The following PPP6C variants were observed in gnomAD, a reference collection of about 807,000 sequenced individuals.
PPP6C encodes the protein serine/threonine-protein phosphatase 6 catalytic subunit.
In PPP6C, 11 loss-of-function variants were observed where a neutral mutation model predicts 39.8. The ratio of observed to expected loss-of-function variants is 0.28; its 90% CI spans 0.17 to 0.46. PPP6C has a LOEUF of 0.46. Among genes scored for constraint, PPP6C ranks in the 20% least tolerant of loss-of-function variants. PPP6C has a pLI of 1.00. For missense variants in PPP6C, 211 were observed against 373.9 expected (o/e 0.56, Z 3.59); for synonymous variants, 129 against 130.3 (o/e 0.99, Z 0.07).
chr9:125,153,612 G>C lies in PPP6C; in HGVS notation c.590C>G (p.Ser197Ter). The stretch of plus-strand genomic sequence containing the variant: ...CCAGGTATCCACATCTTCAGGATCT[G>C]ACCAAACCAGATCACAAAATGCTCC... The part of the protein sequence containing the change: ...HKGAFCDLVW[S>*]DPEDVDTWAI... Residue 197 changes from serine to a stop codon, truncating the protein, a stop_gained, in exon 6 of 7, where the codon TCA (serine) becomes TGA (stop). Transcript: ENST00000373547. LOFTEE classifies it high-confidence loss of function. 1 of 1,614,094 alleles carries C rather than the reference G, an allele frequency of 6.2e-7. No individual in the cohort carries two copies. The highest frequency in any genetic ancestry group is 8.5e-7 in the Non-Finnish European group (1 of 1,180,022).
At chr9:125,171,903 A>G (rs1247105334) in intron 1 of PPP6C, 4 of 464,430 alleles carry the variant, frequency 8.6e-6, no homozygotes, top group Non-Finnish European at 1.8e-5. Flanking sequence ...CAAACCACAC[A>G]CTTACCATTT....
chr9:125,173,855 A>G (rs1829235626), intron 1 of PPP6C, among the ~76,000 whole-genome samples: 1 of 152,092 alleles, frequency 6.6e-6, no homozygotes, highest in South Asian at 2.1e-4. Context: ...TGACCTCATG[A>G]TCCACCCGCC....
rs775731533 is a variant in PPP6C, at chr9:125,189,769, G to C, written c.-51C>G. The C allele has an allele frequency of 6.5e-7, 1 of 1,536,134 alleles. No homozygotes were observed. On this transcript the variant is annotated 5_prime_UTR_variant, in exon 1 of 7. Coordinates refer to ENST00000373547, the MANE Select transcript of PPP6C (RefSeq NM_002721.5). Reference sequence around the variant, plus strand: ...AGCGGCGGCGGCGGCTGTAGCAGCGGCGGCGGCAGCGGCGGAGGCCGAAGC... The same window carrying C: ...AGCGGCGGCGGCGGCTGTAGCAGCGCCGGCGGCAGCGGCGGAGGCCGAAGC...
chr9:125,171,547 T>C (rs1345196563), intron 1 of PPP6C, among the ~76,000 whole-genome samples: 3 of 145,046 alleles, frequency 2.1e-5, no homozygotes, highest in African/African-American at 7.5e-5. Context: ...AAAAGGTTTT[T>C]GGGTTTTTTT....
rs28421490 is a variant in PPP6C at position 125,177,435 on chromosome 9, G to A, written c.76-6255C>T. Reference sequence around the variant, plus strand: ...TCCCCTGCTGGGCACAGTGGCTCGCGCCTGTAATCCCACCACTTAGGGAGG... The same window carrying A: ...TCCCCTGCTGGGCACAGTGGCTCGCACCTGTAATCCCACCACTTAGGGAGG... On this transcript the variant is annotated intron_variant, in intron 1 of 6. Transcript: ENST00000373547. 8.8e-3 allele frequency among the ~76,000 whole-genome samples: 1,334 copies of A among 152,094 alleles called. 20 individuals are homozygous for A. Among genetic ancestry groups the A allele is most frequent in the African/African-American group, 0.031 (1,283 of 41,484 alleles).
At chr9:125,186,903 T>G (rs1401118931) in intron 1 of PPP6C, among the ~76,000 whole-genome samples, 1 of 148,818 alleles carries the variant, frequency 6.7e-6, no homozygotes, top group Non-Finnish European at 1.5e-5. Context: ...TTTATCAAAC[T>G]AAGAGGTACA....
chr9:125,189,116 C>CCTGA (rs1433096793), intron 1 of PPP6C, among the ~76,000 whole-genome samples: 2 of 152,080 alleles, frequency 1.3e-5, no homozygotes, highest in Admixed American at 1.3e-4. Context: ...AGAGGGACGA[C>CCTGA]CTGACGTTCG....
intron 1 of PPP6C, chr9:125,171,948 G>A: frequency 2.1e-6 from 1 of 467,462 alleles, no homozygotes; most frequent in Non-Finnish European, 4.4e-6. Context: ...ATAAAAACAT[G>A]TTCAAAATCT....
chr9:125,167,841 G>T lies in PPP6C; in HGVS notation c.171+3244C>A, dbSNP rs932742677. 1.9e-4 allele frequency among the ~76,000 whole-genome samples: 26 copies of T among 135,194 alleles called. 1 individual carries two copies. In the South Asian group the frequency reaches 6.5e-3, roughly 34 times the overall value. 88.7% of individuals were successfully genotyped at this position (135,194 alleles called of 152,430 possible). A position where few individuals can be genotyped will look rare whatever the true frequency, so the allele number is the denominator to read the frequency against. On this transcript the variant is annotated intron_variant, in intron 2 of 6. Transcript: ENST00000373547. ...CAGGAGTTTGAGATGGGGGGGGGGG[G>T]GGGGGGTATCATTTGGTTGCCCAGG...
chr9:125,164,244 T>TTTTAAG, intron 2 of PPP6C, among the ~76,000 whole-genome samples: 1 of 140,628 alleles, frequency 7.1e-6, no homozygotes, highest in South Asian at 2.3e-4. Flanking sequence ...TTTTTTTTTT[T>TTTTAAG]GAGACGGAGT....
chr9:125,156,366 C>T (rs940345682), intron 4 of PPP6C, among the ~76,000 whole-genome samples: 3 of 151,706 alleles, frequency 2.0e-5, no homozygotes, highest in Admixed American at 1.3e-4. Flanking sequence ...CTCCACCTCC[C>T]GGGTTCAAGG....
intron 2 of PPP6C, among the ~76,000 whole-genome samples, chr9:125,162,157 G>C (rs1044413747): frequency 6.6e-6 from 1 of 151,614 alleles, no homozygotes; most frequent in Non-Finnish European, 1.5e-5. Flanking sequence ...AACAGGCCAA[G>C]CTGCTCACAC....
intron 4 of PPP6C, 53 bp from the exon 5 acceptor site, chr9:125,154,038 C>A: frequency 7.7e-7 from 1 of 1,293,204 alleles, no homozygotes; most frequent in Admixed American, 1.8e-5. Flanking sequence ...TAAAAATAAA[C>A]AATATATCCA....
chr9:125,173,629 A>AT (rs944185726), intron 1 of PPP6C, among the ~76,000 whole-genome samples: 9 of 151,456 alleles, frequency 5.9e-5, no homozygotes, highest in African/African-American at 1.9e-4. Flanking sequence ...TTTTAATTTT[A>AT]TTTTTTTGAG....
rs191551822 is a variant in PPP6C at position 125,147,178 on chromosome 9, A to G, written c.*2495T>C. 3.3e-5 allele frequency: 5 copies of G among 152,366 alleles called. No homozygotes were observed. In the South Asian group the frequency reaches 6.2e-4, roughly 19 times the overall value. 9.4% of individuals were successfully genotyped at this position (152,366 alleles called of 1,614,324 possible). ...AACTTATAAAAAGCTAGCCAAGAGC[A>G]TATCGGCCAAAGGAGGAAAGGGAGT... On this transcript the variant is annotated 3_prime_UTR_variant, in exon 7 of 7. Coordinates refer to ENST00000373547, the MANE Select transcript of PPP6C (RefSeq NM_002721.5).
chr9:125,189,747 G>GGCGGCGGCGGCTGTA lies in PPP6C; in HGVS notation c.-44_-30dup, dbSNP rs1564162163. 8 of 1,437,406 alleles carry GGCGGCGGCGGCTGTA rather than the reference G, an allele frequency of 5.6e-6. No homozygotes were observed. The Admixed American group carries it at 7.0e-5, about 13-fold the overall frequency. The allele number at this position is 1,437,406 out of a possible 1,614,324, so 89.0% of individuals were successfully genotyped here. A position where few individuals can be genotyped will look rare whatever the true frequency, so the allele number is the denominator to read the frequency against. ...AAGAATAACAAGCCGCGGCAACAGCGGCGGCGGCGGCTGTAGCAGCGGCGG... is the reference window on the plus strand; with the variant it reads ...AAGAATAACAAGCCGCGGCAACAGCGGCGGCGGCGGCTGTAGCGGCGGCGGCTGTAGCAGCGGCGG... On this transcript the variant is annotated 5_prime_UTR_variant, in exon 1 of 7. Coordinates refer to ENST00000373547, the MANE Select transcript of PPP6C (RefSeq NM_002721.5).
chr9:125,152,931 T>A (rs7867749), intron 6 of PPP6C, among the ~76,000 whole-genome samples: 13 of 151,224 alleles, frequency 8.6e-5, no homozygotes, highest in Admixed American at 3.9e-4. Flanking sequence ...AAAAAAAGTA[T>A]TGCCTATCTT....
intron 1 of PPP6C, among the ~76,000 whole-genome samples, chr9:125,176,131 G>A (rs1829293257): frequency 6.6e-6 from 1 of 152,114 alleles, no homozygotes; most frequent in Non-Finnish European, 1.5e-5. Flanking sequence ...CAATACTACA[G>A]GCAGAGAAAT....
chr9:125,151,423 C>G (rs1488313667), intron 6 of PPP6C: 1 of 863,620 alleles, frequency 1.2e-6, no homozygotes, highest in Admixed American at 1.7e-5. Flanking sequence ...ACATCAACAA[C>G]GCATGCTTTA....
Sources: gnomAD v4.1 joint callset for allele counts (sites outside exome capture counted in the v4.1 genomes callset) on GRCh38, gnomAD v4.1.1 for gene constraint, MANE v1.5 for transcripts, NCBI Gene and HGNC (gene_info 2026-07-23, HGNC 2026-07-21) for gene names.